Variants in SDK1 observed in about 807,000 individuals in gnomAD.
SDK1 encodes the protein sidekick cell adhesion molecule 1, also known as protein sidekick-1.
Under a neutral mutation model 245.5 loss-of-function variants are expected in SDK1, and 157 were observed. That is an observed-to-expected ratio of 0.64 (90% CI 0.56 to 0.73). SDK1 has a LOEUF of 0.73. Among genes scored for constraint, SDK1 ranks in the 30% least tolerant of loss-of-function variants. SDK1 has a pLI of 0.00. For missense variants in SDK1, 3,583 were observed against 3,002.3 expected, an observed-to-expected ratio of 1.19 and a Z score of -4.52; for synonymous variants, 1,647 against 1,278.5, an observed-to-expected ratio of 1.29 and a Z score of -6.15.
chr7:3,516,386 A>T (rs1260997882), intron 1 of SDK1, among the ~76,000 whole-genome samples: 1 of 152,114 alleles, frequency 6.6e-6, no homozygotes, highest in Non-Finnish European at 1.5e-5. Flanking sequence ...TGCTTTTCAT[A>T]TTCTTTTAAC....
At chr7:3,844,368 G>A (rs1421566126) in intron 5 of SDK1, among the ~76,000 whole-genome samples, 3 of 152,146 alleles carry the variant, frequency 2.0e-5, no homozygotes, top group Non-Finnish European at 2.9e-5. Context: ...TAGGGAAAAC[G>A]GGAATTGCTT....
At chr7:3,992,772 G>A (rs1784438864) in intron 14 of SDK1, among the ~76,000 whole-genome samples, 1 of 152,190 alleles carries the variant, frequency 6.6e-6, no homozygotes, top group Non-Finnish European at 1.5e-5. Flanking sequence ...TGATTCGATA[G>A]GGACCCGCGC....
chr7:3,532,838 A>G (rs961979392), intron 1 of SDK1, among the ~76,000 whole-genome samples: 1 of 151,986 alleles, frequency 6.6e-6, no homozygotes, highest in Non-Finnish European at 1.5e-5. Context: ...TTCTTGTCAC[A>G]TGGCCCTCTT....
chr7:3,748,644 T>C (rs1192114677), intron 4 of SDK1, among the ~76,000 whole-genome samples: 1 of 152,230 alleles, frequency 6.6e-6, no homozygotes, highest in East Asian at 1.9e-4. Context: ...TAATACATGT[T>C]CAGTTTCCTC....
At chr7:3,651,053 G>C (rs1343947862) in intron 4 of SDK1, among the ~76,000 whole-genome samples, 1 of 151,372 alleles carries the variant, frequency 6.6e-6, no homozygotes, top group Admixed American at 6.6e-5. Flanking sequence ...ATGAACATAA[G>C]ACTTCATTGT....
intron 1 of SDK1, among the ~76,000 whole-genome samples, chr7:3,568,051 G>C (rs1779984051): frequency 6.6e-6 from 1 of 152,048 alleles, no homozygotes; most frequent in South Asian, 2.1e-4. Flanking sequence ...AAACTCCTGA[G>C]CTCAAGCAAT....
chr7:3,437,640 G>A (rs570236354), intron 1 of SDK1, among the ~76,000 whole-genome samples: 6 of 152,182 alleles, frequency 3.9e-5, no homozygotes, highest in East Asian at 1.9e-4. Flanking sequence ...GATGGTGCGC[G>A]CCTGTAGTCC....
In SDK1 at chr7:4,208,165, C is replaced by T; in HGVS notation, c.5281C>T (p.Pro1761Ser). The T allele has an allele frequency of 6.2e-7, 1 of 1,614,022 alleles. No homozygotes were observed. The highest frequency in any genetic ancestry group is 8.5e-7 in the Non-Finnish European group (1 of 1,179,922). ...AATGAAGGTCCTCTTCCTCCCCGAG[C>T]CCGTGGTGAGGCTGAAGAACCTGAC... is the stretch of plus-strand genomic sequence containing the variant. ...EKMKVLFLPEPVVRLKNLTSH... is the reference protein window; with the variant it reads ...EKMKVLFLPESVVRLKNLTSH... Residue 1761 changes from proline (P) to serine (S), a missense_variant, in exon 37 of 45, where the codon CCC (proline) becomes TCC (serine). Pro to Ser is a moderately conservative substitution (Grantham distance 74). Transcript: ENST00000404826.
intron 32 of SDK1, among the ~76,000 whole-genome samples, chr7:4,167,782 C>A (rs1781584621): frequency 6.6e-6 from 1 of 152,240 alleles, no homozygotes; most frequent in Admixed American, 6.5e-5. Flanking sequence ...GCAAAGCGAA[C>A]CTTTTGTTTC....
intron 7 of SDK1, chr7:3,957,934 G>T: frequency 2.1e-6 from 1 of 469,570 alleles, no homozygotes; most frequent in Non-Finnish European, 4.4e-6. Flanking sequence ...CCAGGTAATC[G>T]CAGAAGTGAA....
intron 35 of SDK1, among the ~76,000 whole-genome samples, chr7:4,199,487 GA>G (rs1224881016): frequency 1.3e-5 from 2 of 152,198 alleles, no homozygotes; most frequent in Admixed American, 6.5e-5. Flanking sequence ...TAGCAGTATT[GA>G]AGTTTCAGAG....
At chr7:3,439,180 C>G (rs1780121291) in intron 1 of SDK1, among the ~76,000 whole-genome samples, 1 of 152,126 alleles carries the variant, frequency 6.6e-6, no homozygotes, top group South Asian at 2.1e-4. Context: ...TCCAACATCT[C>G]AAATGTGCAG....
intron 7 of SDK1, among the ~76,000 whole-genome samples, chr7:3,954,571 C>T (rs1190283163): frequency 1.5e-5 from 1 of 68,788 alleles, no homozygotes. Context: ...CCTCCCTTCC[C>T]GCCTCCCCTC....
intron 22 of SDK1, among the ~76,000 whole-genome samples, chr7:4,095,798 T>C (rs1782117219): frequency 6.6e-6 from 1 of 152,206 alleles, no homozygotes; most frequent in Non-Finnish European, 1.5e-5. Flanking sequence ...GGTCTCGAAC[T>C]TTTGACCTCA....
At chr7:4,055,018 T>G (rs186767936) in intron 19 of SDK1, among the ~76,000 whole-genome samples, 1 of 152,222 alleles carries the variant, frequency 6.6e-6, no homozygotes, top group African/African-American at 2.4e-5. Context: ...CGAAGGACTT[T>G]TGCATGTAAG....
At chr7:4,054,261 TGA>T (rs1225142780) in intron 19 of SDK1, among the ~76,000 whole-genome samples, 1 of 152,182 alleles carries the variant, frequency 6.6e-6, no homozygotes, top group Non-Finnish European at 1.5e-5. Flanking sequence ...AAATTTTTAT[TGA>T]GAGCATTACA....
rs535397557 is a variant in SDK1 at position 3,618,415 on chromosome 7, C to G, written c.299-665C>G. Among the ~76,000 whole-genome samples the G allele has an allele frequency of 2.6e-5, 4 of 152,292 alleles. No homozygotes were observed. In the South Asian group the frequency reaches 8.3e-4, roughly 32 times the overall value. Reference sequence around the variant, plus strand: ...TTTGAATAGTAGCACATGCTATAAGCTTTTTTGAAAATTCTGTCTGGCTTC... The same window carrying G: ...TTTGAATAGTAGCACATGCTATAAGGTTTTTTGAAAATTCTGTCTGGCTTC... On this transcript the variant is annotated intron_variant, in intron 1 of 44. Coordinates refer to ENST00000404826, the MANE Select transcript of SDK1 (RefSeq NM_152744.4).
chr7:3,551,970 C>T (rs761192842), intron 1 of SDK1, among the ~76,000 whole-genome samples: 174 of 152,108 alleles, frequency 1.1e-3, no homozygotes, highest in Non-Finnish European at 2.2e-3. Flanking sequence ...AGTATTAATA[C>T]TATGGCCTGG....
At chr7:4,111,529 A>C (rs1280030571) in intron 23 of SDK1, among the ~76,000 whole-genome samples, 2 of 137,590 alleles carry the variant, frequency 1.5e-5, no homozygotes, top group Admixed American at 6.9e-5. Context: ...GTTAGAGTTA[A>C]AAAAAAAAAA....
Sources: gnomAD v4.1 joint callset for allele counts (sites outside exome capture counted in the v4.1 genomes callset) on GRCh38, gnomAD v4.1.1 for gene constraint, MANE v1.5 for transcripts, NCBI Gene and HGNC (gene_info 2026-07-23, HGNC 2026-07-21) for gene names.